The following GOLGA4 variants were observed in gnomAD, a reference collection of about 807,000 sequenced individuals.
GOLGA4 encodes golgin subfamily A member 4.
Under a neutral mutation model 265.9 loss-of-function variants are expected in GOLGA4, and 169 were observed. The ratio of observed to expected loss-of-function variants is 0.64; its 90% confidence interval spans 0.56 to 0.72. The LOEUF (loss-of-function observed/expected upper bound fraction) is 0.72. Ranked by LOEUF, GOLGA4 falls within the 30% of genes least tolerant of loss-of-function variation. GOLGA4 has a pLI of 0.00. For synonymous variants in GOLGA4, 923 were observed against 855.8 expected, an observed-to-expected ratio of 1.08 and a Z score of -1.37; for missense variants, 2,482 against 2,483.4, an observed-to-expected ratio of 1.00 and a Z score of 0.01.
intron 2 of GOLGA4, among the ~76,000 whole-genome samples, chr3:37,265,832 T>C (rs949431471): frequency 6.6e-6 from 1 of 151,698 alleles, no homozygotes; most frequent in Non-Finnish European, 1.5e-5. Flanking sequence ...AGCTCAGGAG[T>C]TCGAGACCAG....
In GOLGA4 at chr3:37,324,683, G is replaced by A. The variant is rs183564470; in HGVS notation, c.2797G>A (p.Ala933Thr). The part of the protein sequence containing the change: ...EIEILTQKLS[A>T]KEDSIHILNE... Reference sequence around the variant, plus strand: ...TGAGATACTCACACAGAAATTGTCAGCCAAGGAGGACAGTATTCATATTTT... The same window carrying A: ...TGAGATACTCACACAGAAATTGTCAACCAAGGAGGACAGTATTCATATTTT... Residue 933 changes from alanine (A) to threonine (T), a missense_variant, in exon 14 of 24, where the codon GCC becomes ACC. This residue lies in a region of GOLGA4 where 1,536 missense variants were observed against 1,483.7 expected (regional missense o/e 1.04). Coordinates refer to ENST00000361924, the MANE Select transcript of GOLGA4 (RefSeq NM_002078.5). 6.8e-5 allele frequency: 110 copies of A among 1,612,202 alleles called. No homozygotes were observed. The highest frequency in any genetic ancestry group is 8.8e-5 in the Non-Finnish European group (104 of 1,179,346).
rs1023131329 is a variant in GOLGA4, at chr3:37,324,873, A to G, written c.2987A>G (p.Glu996Gly). Residue 996 changes from glutamate to glycine, a missense_variant, in exon 14 of 24, where the codon GAA becomes GGA. Transcript: ENST00000361924. ...ACTGCTCTAGAGCTTAGTCAGAAAGAAAAACAGTTTAATGCCAAAATGCTG... is the reference window on the plus strand; with the variant it reads ...ACTGCTCTAGAGCTTAGTCAGAAAGGAAAACAGTTTAATGCCAAAATGCTG... ...ENTALELSQK[E>G]KQFNAKMLEM... 16 of 1,596,850 alleles carry G rather than the reference A, an allele frequency of 1.0e-5. No individual in the cohort carries two copies. Among genetic ancestry groups the G allele is most frequent in the African/African-American group, 1.4e-5 (1 of 73,764 alleles).
intron 16 of GOLGA4, among the ~76,000 whole-genome samples, chr3:37,334,367 T>G (rs1039891301): frequency 2.0e-5 from 3 of 152,144 alleles, no homozygotes; most frequent in African/African-American, 7.2e-5. Flanking sequence ...GGACAGTAAC[T>G]CATTTTTTTT....
intron 1 of GOLGA4, among the ~76,000 whole-genome samples, chr3:37,245,574 G>A (rs570721581): frequency 7.2e-5 from 11 of 152,232 alleles, no homozygotes; most frequent in Non-Finnish European, 1.2e-4. Context: ...GCTTTTCTTC[G>A]TGAAAATGAA....
chr3:37,325,883 G>C lies in GOLGA4; in HGVS notation c.3997G>C (p.Ala1333Pro), dbSNP rs2096968943. ...GAAGGAAGGAGGCAATCAGCAACAG[G>C]CTGCTTCTGAAAAGGAGTCTTGTAT... The part of the protein sequence containing the change: ...LQKEGGNQQQ[A>P]ASEKESCITQ... Residue 1333 changes from alanine to proline, a missense_variant, in exon 14 of 24, where the codon GCT (alanine) becomes CCT (proline). By Grantham distance (27) the Ala-to-Pro change is conservative. This residue lies in a region of GOLGA4 where 4 missense variants were observed against 16.5 expected (regional missense o/e 0.24). Coordinates refer to ENST00000361924, the MANE Select transcript of GOLGA4 (RefSeq NM_002078.5). The C allele has an allele frequency of 6.2e-7, 1 of 1,613,480 alleles. No homozygotes were observed. The highest frequency in any genetic ancestry group is 1.1e-5 in the South Asian group (1 of 91,046).
Position 37,324,754 on chromosome 3 carries a change from G to T in GOLGA4, c.2868G>T (p.Met956Ile), listed in dbSNP as rs757068939. ...AATTTAAAAACCAAGAAAAAAAGAT[G>T]GAAAAAGTTAAGCAGAAAGCAAAGG... ...ETKFKNQEKK[M>I]EKVKQKAKEM... The change falls in exon 14 of 24, where the codon ATG (methionine) becomes ATT (isoleucine). Residue 956 changes from methionine to isoleucine, a missense_variant. Met to Ile is a conservative substitution (Grantham distance 10). Transcript: ENST00000361924. 31 of 1,584,630 alleles carry T rather than the reference G, an allele frequency of 2.0e-5. No homozygotes were observed. In the Admixed American group the frequency reaches 5.8e-4, roughly 30 times the overall value.
chr3:37,299,922 A>G (rs116074339), intron 9 of GOLGA4, among the ~76,000 whole-genome samples: 1,623 of 151,790 alleles, frequency 0.011, 39 homozygotes, highest in African/African-American at 0.035. Flanking sequence ...ATGTTGGTAT[A>G]TGCCTGTGGT....
chr3:37,277,388 A>G (rs1207182014), intron 2 of GOLGA4, among the ~76,000 whole-genome samples: 8 of 152,228 alleles, frequency 5.3e-5, no homozygotes, highest in Non-Finnish European at 1.0e-4. Flanking sequence ...CAAAGATGAG[A>G]ACTTCCCACT....
intron 2 of GOLGA4, among the ~76,000 whole-genome samples, chr3:37,253,287 C>G (rs1398204348): frequency 6.6e-6 from 1 of 151,136 alleles, no homozygotes; most frequent in African/African-American, 2.4e-5. Flanking sequence ...CATTTCCCAT[C>G]CCTGACAGTA....
chr3:37,283,541 CAG>C (rs2096840284), intron 3 of GOLGA4, among the ~76,000 whole-genome samples: 1 of 152,094 alleles, frequency 6.6e-6, no homozygotes, highest in African/African-American at 2.4e-5. Flanking sequence ...GTTTTTGAGA[CAG>C]GGTCTCACTT....
chr3:37,266,541 C>T (rs1359858308), intron 2 of GOLGA4, among the ~76,000 whole-genome samples: 2 of 152,118 alleles, frequency 1.3e-5, no homozygotes, highest in African/African-American at 4.8e-5. Context: ...AACAGAGTGC[C>T]AGGCACTCTG....
At chr3:37,254,092 A>G (rs1355786708) in intron 2 of GOLGA4, among the ~76,000 whole-genome samples, 1 of 152,176 alleles carries the variant, frequency 6.6e-6, no homozygotes, top group African/African-American at 2.4e-5. Context: ...TATGCAAACT[A>G]ATATACTATA....
chr3:37,263,392 G>A (rs1460234282), intron 2 of GOLGA4, among the ~76,000 whole-genome samples: 1 of 152,104 alleles, frequency 6.6e-6, no homozygotes, highest in Non-Finnish European at 1.5e-5. Context: ...GTGATAAGCG[G>A]GAAAGAGGGA....
intron 23 of GOLGA4, among the ~76,000 whole-genome samples, chr3:37,364,517 C>T (rs1410950308): frequency 6.6e-6 from 1 of 151,820 alleles, no homozygotes; most frequent in African/African-American, 2.4e-5. Context: ...GCTGGGATTA[C>T]AGGCGTGAGC....
chr3:37,300,657 T>C (rs1333563470), intron 9 of GOLGA4, among the ~76,000 whole-genome samples: 2 of 152,198 alleles, frequency 1.3e-5, no homozygotes, highest in Admixed American at 1.3e-4. Context: ...AGAATTGTTT[T>C]AGAGCAAATC....
At chr3:37,338,518 T>C (rs2097021910) in intron 19 of GOLGA4, among the ~76,000 whole-genome samples, 1 of 152,246 alleles carries the variant, frequency 6.6e-6, no homozygotes, top group Non-Finnish European at 1.5e-5. Context: ...TTTAAAATTC[T>C]TAAGATCAAA....
At chr3:37,356,069 G>A (rs763782528) in intron 22 of GOLGA4, among the ~76,000 whole-genome samples, 33 of 152,058 alleles carry the variant, frequency 2.2e-4, no homozygotes, top group African/African-American at 6.8e-4. Context: ...GTATCTCATC[G>A]TATCCTAACA....
rs1476157673 is a variant in GOLGA4 at position 37,326,967 on chromosome 3, A to G, written c.5081A>G (p.Lys1694Arg). ...REREVHILEE[K>R]LKSVESSQSE... Reference sequence around the variant, plus strand: ...AGGGAAGTTCACATCTTGGAAGAAAAACTTAAGTCAGTGGAAAGTTCACAG... The same window carrying G: ...AGGGAAGTTCACATCTTGGAAGAAAGACTTAAGTCAGTGGAAAGTTCACAG... Residue 1694 changes from lysine (K) to arginine (R), a missense_variant, in exon 14 of 24, where the codon AAA (lysine) becomes AGA (arginine). Physicochemically the swap from Lys to Arg is conservative, Grantham distance 26. Transcript: ENST00000361924. 1 of 1,613,806 alleles carries G rather than the reference A, an allele frequency of 6.2e-7. No homozygotes were observed. The highest frequency in any genetic ancestry group is 1.7e-5 in the Admixed American group (1 of 59,972).
intron 2 of GOLGA4, among the ~76,000 whole-genome samples, chr3:37,274,902 AT>A (rs976118421): frequency 1.3e-5 from 2 of 151,998 alleles, no homozygotes; most frequent in Non-Finnish European, 2.9e-5. Context: ...TAGACAAAAC[AT>A]TCGGAAGTAT....
Sources: allele counts gnomAD v4.1 joint callset (sites outside exome capture counted in the v4.1 genomes callset), GRCh38; gene constraint gnomAD v4.1.1; regional missense constraint gnomAD v4.1.1; transcripts MANE v1.5; gene names NCBI Gene and HGNC (gene_info 2026-07-23, HGNC 2026-07-21).